Variants in RMDN1 observed in about 807,000 individuals in gnomAD.
RMDN1 encodes the protein regulator of microtubule dynamics protein 1.
In RMDN1, 48 loss-of-function variants were observed where a neutral mutation model predicts 48.9. The ratio of observed to expected loss-of-function variants is 0.98; its 90% CI spans 0.78 to 1.25. RMDN1 has a LOEUF of 1.25. RMDN1 is among the 50% of genes most tolerant of loss of function. The probability of loss-of-function intolerance (pLI) is 0.00; values close to 1 mark genes in which losing one functional copy is unlikely to be tolerated. For synonymous variants in RMDN1, 148 were observed against 132.6 expected (o/e 1.12, Z -0.80); for missense variants, 418 against 373.4 (o/e 1.12, Z -0.98).
intron 4 of RMDN1, 71 bp from the exon 5 acceptor site, chr8:86,485,032 A>C: frequency 1.3e-6 from 1 of 784,298 alleles, no homozygotes; most frequent in Non-Finnish European, 2.0e-6. Flanking sequence ...AAAACTGTAT[A>C]ATATTCTTCA....
At chr8:86,511,824 A>G (rs1014138269), upstream of RMDN1, among the ~76,000 whole-genome samples, 4 of 145,868 alleles carry the variant, frequency 2.7e-5, no homozygotes, top group African/African-American at 8.4e-5. Context: ...CTCAAAAAAA[A>G]AAAAAGAAAA....
chr8:86,478,797 T>C, intron 7 of RMDN1, 126 bp downstream of exon 7: 3 of 775,256 alleles, frequency 3.9e-6, no homozygotes, highest in Non-Finnish European at 4.5e-6. Flanking sequence ...GATAACACAG[T>C]TGAATTGGAT....
At position 86,482,789 on chromosome 8, in the gene RMDN1, C is replaced by T. The variant is rs879100502; in HGVS notation, c.585+2083G>A. On this transcript the variant is annotated intron_variant, in intron 5 of 9. Coordinates refer to ENST00000406452, the MANE Select transcript of RMDN1 (RefSeq NM_016033.3). ...AGGACCCCAATGTGACAAGTAGTGG[C>T]ATTATCAGAACCCAAAATGGAGACG... 1.1e-5 allele frequency: 10 copies of T among 926,882 alleles called. No homozygotes were observed. In the Admixed American group the frequency reaches 1.7e-4, roughly 16 times the overall value. The allele number at this position is 926,882 out of a possible 1,614,324, so 57.4% of individuals were successfully genotyped here. A position where few individuals can be genotyped will look rare whatever the true frequency, so the allele number is the denominator to read the frequency against.
intron 7 of RMDN1, among the ~76,000 whole-genome samples, chr8:86,477,749 A>G (rs1002258612): frequency 3.3e-5 from 5 of 152,198 alleles, no homozygotes; most frequent in African/African-American, 1.2e-4. Flanking sequence ...CCTACATACA[A>G]TGTTAAGTCT....
chr8:86,488,962 T>C (rs1036881866), intron 2 of RMDN1, among the ~76,000 whole-genome samples: 12 of 152,036 alleles, frequency 7.9e-5, no homozygotes, highest in African/African-American at 2.9e-4. Flanking sequence ...TTCCAAAAAC[T>C]CTCATAATAT....
intron 5 of RMDN1, among the ~76,000 whole-genome samples, chr8:86,480,768 A>G (rs546720662): frequency 2.6e-4 from 39 of 152,256 alleles, no homozygotes; most frequent in Non-Finnish European, 4.9e-4. Context: ...AGTTTTTTAG[A>G]AAAAATGTAA....
intron 2 of RMDN1, among the ~76,000 whole-genome samples, chr8:86,493,186 T>A (rs1248884954): frequency 6.6e-6 from 1 of 152,174 alleles, no homozygotes; most frequent in African/African-American, 2.4e-5. Flanking sequence ...TATATAAACA[T>A]GCCGAGCAAC....
At chr8:86,504,820 T>C (rs1159723296) in intron 2 of RMDN1, 1 of 1,039,402 alleles carries the variant, frequency 9.6e-7, no homozygotes, top group Admixed American at 1.7e-5. Context: ...TCCAACTTCT[T>C]AGTCGGACTG....
chr8:86,496,582 C>A (rs1332248899), intron 2 of RMDN1, among the ~76,000 whole-genome samples: 3 of 152,054 alleles, frequency 2.0e-5, no homozygotes, highest in Non-Finnish European at 4.4e-5. Flanking sequence ...TTCAATTAAA[C>A]ATGAAGACAA....
intron 5 of RMDN1, among the ~76,000 whole-genome samples, chr8:86,481,221 G>A (rs1213194258): frequency 6.6e-6 from 1 of 152,166 alleles, no homozygotes; most frequent in Non-Finnish European, 1.5e-5. Context: ...CAGGATTCAA[G>A]TCACAGCTTA....
rs781662001 is a variant in RMDN1, at chr8:86,474,935, C to A, written c.779G>T (p.Ser260Ile). The stretch of plus-strand genomic sequence containing the variant: ...CTTTCCTAAAAGAAGTAAGTTTTTG[C>A]TGTAGAAGTTTGGATCCACTGCACA... ...RAEQVDPNFY[S>I]KNLLLLGKTY... The change falls in exon 9 of 10, where the codon AGC becomes ATC. Residue 260 changes from serine (S) to isoleucine (I), a missense_variant. By Grantham distance (142) the Ser-to-Ile change is moderately radical (BLOSUM62 -2). Transcript: ENST00000406452. 11 of 1,608,004 alleles carry A rather than the reference C, an allele frequency of 6.8e-6. No individual in the cohort carries two copies. Among genetic ancestry groups the A allele is most frequent in the Non-Finnish European group, 8.5e-6 (10 of 1,178,320 alleles).
At chr8:86,500,615 C>T (rs771106348) in intron 2 of RMDN1, among the ~76,000 whole-genome samples, 1 of 151,504 alleles carries the variant, frequency 6.6e-6, no homozygotes, top group Admixed American at 6.6e-5. Flanking sequence ...GTTCAGCCAC[C>T]GTAGAAAGCA....
chr8:86,484,509 GGAGTTT>G (rs1563606764), intron 5 of RMDN1, among the ~76,000 whole-genome samples: 1 of 152,106 alleles, frequency 6.6e-6, no homozygotes, highest in Non-Finnish European at 1.5e-5. Context: ...CCTGATGTCA[GGAGTTT>G]GAGACCAGCC....
chr8:86,509,846 T>C (rs576837271), upstream of RMDN1, among the ~76,000 whole-genome samples: 5 of 152,326 alleles, frequency 3.3e-5, no homozygotes, highest in East Asian at 9.6e-4. Context: ...TTTAAAAATA[T>C]ATAGATCTCC....
At chr8:86,513,198 A>C (rs1820140956), upstream of RMDN1, among the ~76,000 whole-genome samples, 1 of 152,084 alleles carries the variant, frequency 6.6e-6, no homozygotes, top group African/African-American at 2.4e-5. Context: ...AACATGGAGA[A>C]GCCCTGGCTC....
intron 2 of RMDN1, among the ~76,000 whole-genome samples, chr8:86,506,159 T>C (rs905962498): frequency 2.6e-5 from 4 of 152,218 alleles, no homozygotes; most frequent in African/African-American, 9.7e-5. Context: ...GGGAGAGCCA[T>C]CCAAATGAGA....
intron 5 of RMDN1, among the ~76,000 whole-genome samples, chr8:86,484,318 G>GTC (rs149156494): frequency 0.23 from 34,210 of 151,632 alleles, 4,073 homozygotes; most frequent in Non-Finnish European, 0.27. Context: ...GGACACTGTA[G>GTC]TCTCAGCTGA....
intron 8 of RMDN1, among the ~76,000 whole-genome samples, chr8:86,475,493 G>T (rs915599899): frequency 6.6e-6 from 1 of 150,614 alleles, no homozygotes; most frequent in Non-Finnish European, 1.5e-5. Context: ...AGAGAAACAT[G>T]AACACAACTA....
intron 6 of RMDN1, among the ~76,000 whole-genome samples, chr8:86,479,516 G>A (rs1300299845): frequency 6.6e-6 from 1 of 152,200 alleles, no homozygotes; most frequent in African/African-American, 2.4e-5. Context: ...AGGAAAGAAA[G>A]TGTTGCATCT....
Sources: gnomAD v4.1 joint callset for allele counts (sites outside exome capture counted in the v4.1 genomes callset) on GRCh38, gnomAD v4.1.1 for gene constraint, MANE v1.5 for transcripts, NCBI Gene and HGNC (gene_info 2026-07-23, HGNC 2026-07-21) for gene names.